SLC13A5: variants seen among roughly 807,000 people sequenced by gnomAD.
SLC13A5 encodes solute carrier family 13 member 5, also known as Na(+)/citrate cotransporter.
Under a neutral mutation model 56.5 loss-of-function variants are expected in SLC13A5, and 25 were observed. The ratio of observed to expected loss-of-function variants is 0.44; its 90% CI spans 0.32 to 0.62. SLC13A5 has a LOEUF of 0.62. Ranked by LOEUF, SLC13A5 falls within the 20% of genes least tolerant of loss-of-function variation. SLC13A5 has a pLI of 0.04. For synonymous variants in SLC13A5, 307 were observed against 301.5 expected, an observed-to-expected ratio of 1.02 and a Z score of -0.19; for missense variants, 649 against 737.8, an observed-to-expected ratio of 0.88 and a Z score of 1.39.
At position 6,693,113 on chromosome 17, in the gene SLC13A5, G is replaced by C. The variant is rs143869456; in HGVS notation, c.1206C>G (p.Thr402=). 1.9e-6 allele frequency: 3 copies of C among 1,609,372 alleles called. No homozygotes were observed. Among genetic ancestry groups the C allele is most frequent in the Non-Finnish European group, 2.5e-6 (3 of 1,178,032 alleles). ...CGATGCCCCAGGGCACTTTCTCCTG[G>C]GTTACCTTCCAATCCAGCAGGGGAG... The part of the protein sequence containing the change: ...YPPPLLDWKV[T]QEKVPWGIVL... The change falls in exon 9 of 12, where the codon ACC becomes ACG. Residue 402 remains threonine (T), a synonymous_variant. Coordinates refer to ENST00000433363, the MANE Select transcript of SLC13A5 (RefSeq NM_177550.5).
At position 6,694,194 on chromosome 17, in the gene SLC13A5, ATACC is replaced by A; in HGVS notation, c.1056-1_1058del. On this transcript the variant is annotated splice_acceptor_variant and coding_sequence_variant, in exon 8 of 12. Transcript: ENST00000433363. LOFTEE classifies it high-confidence loss of function. ...AGATGGCCACAGTGGCATCGGAGAC[ATACC>A]TAGGTGGGGAAAAGCACAGCTCATC... 1 of 1,603,744 alleles carries A rather than the reference ATACC, an allele frequency of 6.2e-7. No homozygotes were observed. The highest frequency in any genetic ancestry group is 8.5e-7 in the Non-Finnish European group (1 of 1,171,166).
Position 6,701,187 on chromosome 17 carries a change from T to C in SLC13A5, c.717-61A>G, listed in dbSNP as rs1036440061. 6 of 1,602,870 alleles carry C rather than the reference T, an allele frequency of 3.7e-6. No homozygotes were observed. The highest frequency in any genetic ancestry group is 2.2e-5 in the East Asian group (1 of 44,456). ...AGCTGTGGGAGCCAGCCTGGCCCTG[T>C]GCGTGGGGACGGAGCAGCAGCTGGG... is the stretch of plus-strand genomic sequence containing the variant. On this transcript the variant is annotated intron_variant, in intron 5 of 11. Coordinates refer to ENST00000433363, the MANE Select transcript of SLC13A5 (RefSeq NM_177550.5). This position sits in a 1 kb window ranked among gnomAD's most constrained non-coding sequence, Gnocchi z 4.1.
rs144037171 is a variant in SLC13A5 at position 6,706,428 on chromosome 17, G to A, written c.368+214C>T. On this transcript the variant is annotated intron_variant, in intron 3 of 11. Transcript: ENST00000433363. ...TTGCTGACCCACCTCCTCTGGATTC[G>A]AGGACCCTTACTTACTGCTGCTCAC... Among the ~76,000 whole-genome samples the A allele has an allele frequency of 2.9e-3, 447 of 152,242 alleles. 1 individual carries two copies. Among genetic ancestry groups the A allele is most frequent in the African/African-American group, 0.01 (433 of 41,554 alleles).
Position 6,692,127 on chromosome 17 carries a change from G to A in SLC13A5, c.1275+917C>T, listed in dbSNP as rs867664429. 7.2e-6 allele frequency among the ~76,000 whole-genome samples: 1 copy of A among 138,536 alleles called. No homozygotes were observed. The highest frequency in any genetic ancestry group is 1.6e-5 in the Non-Finnish European group (1 of 60,790). 90.9% of individuals were successfully genotyped at this position (138,536 alleles called of 152,430 possible). A position where few individuals can be genotyped will look rare whatever the true frequency, so the allele number is the denominator to read the frequency against. Reference sequence around the variant, plus strand: ...ATGTTGGATGGATGGATGGATAGATGGATGGATGGATGGATGGATGGATGG... The same window carrying A: ...ATGTTGGATGGATGGATGGATAGATAGATGGATGGATGGATGGATGGATGG... On this transcript the variant is annotated intron_variant, in intron 9 of 11. Coordinates refer to ENST00000433363, the MANE Select transcript of SLC13A5 (RefSeq NM_177550.5). This position sits in a 1 kb window ranked among gnomAD's most constrained non-coding sequence, Gnocchi z 5.5.
chr17:6,707,352 C>T (rs1005737330), intron 1 of SLC13A5, among the ~76,000 whole-genome samples, 196 bp from the exon 2 acceptor site: 37 of 152,188 alleles, frequency 2.4e-4, no homozygotes, highest in Non-Finnish European at 4.7e-4. Context: ...TCGCAAAGGA[C>T]TCCTGCCCCA....
intron 6 of SLC13A5, 147 bp downstream of exon 6, chr17:6,700,857 G>T: frequency 8.4e-7 from 1 of 1,192,558 alleles, no homozygotes; most frequent in Non-Finnish European, 1.2e-6. Flanking sequence ...CGAAGGAACA[G>T]GAGGGCAGAC....
Position 6,693,039 on chromosome 17 carries a change from G to T in SLC13A5, c.1275+5C>A. 2 of 1,613,126 alleles carry T rather than the reference G, an allele frequency of 1.2e-6. No individual in the cohort carries two copies. Among genetic ancestry groups the T allele is most frequent in the East Asian group, 2.2e-5 (1 of 44,872 alleles). On this transcript the variant is annotated splice_donor_5th_base_variant and intron_variant, in intron 9 of 11. Coordinates refer to ENST00000433363, the MANE Select transcript of SLC13A5 (RefSeq NM_177550.5). Reference sequence around the variant, plus strand: ...CTCTGGGCAGCCTGTGGCTGGAGAAGTTACCTCGGATCCTTTAGCCAGAGC... The same window carrying T: ...CTCTGGGCAGCCTGTGGCTGGAGAATTTACCTCGGATCCTTTAGCCAGAGC...
At chr17:6,702,026 G>A (rs1470635073) in intron 5 of SLC13A5, among the ~76,000 whole-genome samples, 1 of 152,126 alleles carries the variant, frequency 6.6e-6, no homozygotes, top group East Asian at 1.9e-4. Flanking sequence ...AAAGTTACTG[G>A]AGAACTGTAA....
chr17:6,706,470 G>C (rs1234512898), intron 3 of SLC13A5, among the ~76,000 whole-genome samples, 172 bp downstream of exon 3: 2 of 152,144 alleles, frequency 1.3e-5, no homozygotes, highest in Non-Finnish European at 2.9e-5. Context: ...CCACCACCAC[G>C]CATGCATCTG....
At chr17:6,699,443 T>G (rs7218595) in intron 6 of SLC13A5, among the ~76,000 whole-genome samples, 27,028 of 152,148 alleles carry the variant, frequency 0.18, 2,526 homozygotes, top group African/African-American at 0.19. Context: ...TTACTATCAT[T>G]ATTATGATTG....
At chr17:6,690,456 C>T (rs994753320) in intron 10 of SLC13A5, among the ~76,000 whole-genome samples, 11 of 152,216 alleles carry the variant, frequency 7.2e-5, no homozygotes, top group African/African-American at 1.4e-4. Flanking sequence ...TCAGAGACCA[C>T]GGCACTGGCC....
At position 6,700,196 on chromosome 17, in the gene SLC13A5, A is replaced by G. The variant is rs145668411; in HGVS notation, c.839+808T>C. On this transcript the variant is annotated intron_variant, in intron 6 of 11. Transcript: ENST00000433363. ...TAAATTTGTGTGTTTTAGAAAAACA[A>G]TAACTTTTTTTTAGCTATTTGTCAG... Among the ~76,000 whole-genome samples, 983 of 152,298 alleles carry G rather than the reference A, an allele frequency of 6.5e-3. 11 individuals carry two copies. Among genetic ancestry groups the G allele is most frequent in the African/African-American group, 0.021 (876 of 41,552 alleles).
chr17:6,685,892 C>T lies in SLC13A5; in HGVS notation c.*315G>A, dbSNP rs16956117. ...TGTGTGGGGGATGCTTGAGGCAGAG[C>T]GGGTACAGCAGCCTGCATCCTGATC... On this transcript the variant is annotated 3_prime_UTR_variant, in exon 12 of 12. Transcript: ENST00000433363. This position sits in a 1 kb window ranked among gnomAD's most constrained non-coding sequence, Gnocchi z 4.2. The T allele has an allele frequency of 8.9e-3, 3,040 of 342,526 alleles. 88 individuals are homozygous for T. The highest frequency in any genetic ancestry group is 0.055 in the African/African-American group (2,678 of 48,284). The allele number at this position is 342,526 out of a possible 1,614,324, so 21.2% of individuals were successfully genotyped here.
Position 6,701,082 on chromosome 17 carries a change from A to G in SLC13A5, c.761T>C (p.Phe254Ser), listed in dbSNP as rs763190407. Residue 254 changes from phenylalanine to serine, a missense_variant, in exon 6 of 12, where the codon TTT becomes TCT. By Grantham distance (155) the Phe-to-Ser change is radical. Coordinates refer to ENST00000433363, the MANE Select transcript of SLC13A5 (RefSeq NM_177550.5). This position sits in a 1 kb window ranked among gnomAD's most constrained non-coding sequence, Gnocchi z 4.1. The part of the protein sequence containing the change: ...SKDLVNFASW[F>S]AFAFPNMLVM... ...CAGCATGTTGGGAAAGGCAAATGCA[A>G]ACCAGGAAGCAAAGTTCACGAGGTC... The G allele has an allele frequency of 6.2e-7, 1 of 1,614,224 alleles. No individual in the cohort carries two copies. Among genetic ancestry groups the G allele is most frequent in the Non-Finnish European group, 8.5e-7 (1 of 1,180,026 alleles).
At chr17:6,686,402 A>C in intron 11 of SLC13A5, 64 bp from the exon 12 acceptor site, 1 of 1,605,452 alleles carries the variant, frequency 6.2e-7, no homozygotes, top group Non-Finnish European at 8.5e-7. Flanking sequence ...AGAGAGGAGG[A>C]CAAAGGGTCG....
In SLC13A5 at chr17:6,687,706, C is replaced by G. The variant is rs202145930; in HGVS notation, c.1438-40G>C. ...CACTGCAACATCACCGTACAGAACA[C>G]AGAAGCTCTTGGGGACGTGATTCTG... is the stretch of plus-strand genomic sequence containing the variant. On this transcript the variant is annotated intron_variant, in intron 10 of 11. Coordinates refer to ENST00000433363, the MANE Select transcript of SLC13A5 (RefSeq NM_177550.5). This position sits in a 1 kb window ranked among gnomAD's most constrained non-coding sequence, Gnocchi z 5.0. The G allele has an allele frequency of 1.3e-6, 2 of 1,527,484 alleles. No homozygotes were observed. Among genetic ancestry groups the G allele is most frequent in the Non-Finnish European group, 1.8e-6 (2 of 1,140,012 alleles). 94.6% of individuals were successfully genotyped at this position (1,527,484 alleles called of 1,614,324 possible). A position where few individuals can be genotyped will look rare whatever the true frequency, so the allele number is the denominator to read the frequency against.
chr17:6,704,074 G>A lies in SLC13A5; in HGVS notation c.369-18C>T. The stretch of plus-strand genomic sequence containing the variant: ...GCATCAGCCTGCAGAGGAGGGGCAG[G>A]GAGGAAAGCCAGAGAATCCCCACCC... On this transcript the variant is annotated intron_variant, in intron 3 of 11. Coordinates refer to ENST00000433363, the MANE Select transcript of SLC13A5 (RefSeq NM_177550.5). The A allele has an allele frequency of 3.1e-6, 5 of 1,603,406 alleles. No homozygotes were observed. The highest frequency in any genetic ancestry group is 3.4e-6 in the Non-Finnish European group (4 of 1,175,782).
At chr17:6,710,344 C>A (rs1973987561) in intron 1 of SLC13A5, among the ~76,000 whole-genome samples, 1 of 152,238 alleles carries the variant, frequency 6.6e-6, no homozygotes, top group South Asian at 2.1e-4. Context: ...CTCCTGCTCC[C>A]AATCCTGGTC....
chr17:6,692,935 C>T lies in SLC13A5; in HGVS notation c.1275+109G>A, dbSNP rs1229363574. 3.6e-6 allele frequency: 3 copies of T among 832,672 alleles called. No homozygotes were observed. The highest frequency in any genetic ancestry group is 6.3e-6 in the Non-Finnish European group (3 of 479,714). The allele number at this position is 832,672 out of a possible 1,614,324, so 51.6% of individuals were successfully genotyped here. Reference sequence around the variant, plus strand: ...TGTCCTCAAGGAATGTGCGGTTATACGAAGGATGCAGGCACAGAAACACAC... The same window carrying T: ...TGTCCTCAAGGAATGTGCGGTTATATGAAGGATGCAGGCACAGAAACACAC... On this transcript the variant is annotated intron_variant, in intron 9 of 11. Coordinates refer to ENST00000433363, the MANE Select transcript of SLC13A5 (RefSeq NM_177550.5). This position sits in a 1 kb window ranked among gnomAD's most constrained non-coding sequence, Gnocchi z 5.5.
Sources: allele counts gnomAD v4.1 joint callset (sites outside exome capture counted in the v4.1 genomes callset), GRCh38; gene constraint gnomAD v4.1.1; non-coding constraint Gnocchi (gnomAD v3.1); transcripts MANE v1.5; gene names NCBI Gene and HGNC (gene_info 2026-07-23, HGNC 2026-07-21).